ZNF577: variants seen among roughly 807,000 people sequenced by gnomAD.
The protein encoded by ZNF577 is zinc finger protein 577.
ZNF577 carries 14 observed loss-of-function variants against 13.9 expected under a neutral mutation model. That is an observed-to-expected ratio of 1.00 (90% CI 0.66 to 1.57). The LOEUF (loss-of-function observed/expected upper bound fraction) is 1.57. Among genes scored for constraint, ZNF577 ranks in the 40% most tolerant of loss-of-function variants. The pLI is 0.00. For synonymous variants in ZNF577, 203 were observed against 202.9 expected, an observed-to-expected ratio of 1.00 and a Z score of 0.00; for missense variants, 555 against 579.2, an observed-to-expected ratio of 0.96 and a Z score of 0.43.
chr19:51,883,514 T>C (rs978225183), intron 1 of ZNF577, among the ~76,000 whole-genome samples: 2 of 152,098 alleles, frequency 1.3e-5, no homozygotes, highest in Non-Finnish European at 2.9e-5. Context: ...AGAGGTTTGA[T>C]TAGTCCCATG....
intron 5 of ZNF577, among the ~76,000 whole-genome samples, chr19:51,876,412 T>C (rs1200540866): frequency 1.3e-5 from 2 of 151,138 alleles, no homozygotes; most frequent in African/African-American, 4.9e-5. Flanking sequence ...GCTCAGGCCC[T>C]GAGAGTGAAT....
chr19:51,816,874 G>T (rs1339814037), intron 9 of ZNF577, among the ~76,000 whole-genome samples: 3 of 152,222 alleles, frequency 2.0e-5, no homozygotes, highest in African/African-American at 7.2e-5. Context: ...CCACACATAT[G>T]CTGTTAGAAG....
intron 9 of ZNF577, among the ~76,000 whole-genome samples, chr19:51,833,750 C>T (rs2084273197): frequency 6.6e-6 from 1 of 152,126 alleles, no homozygotes; most frequent in African/African-American, 2.4e-5. Flanking sequence ...TTTGTCATGC[C>T]TACTGCTTGT....
At position 51,838,736 on chromosome 19, in the gene ZNF577, T is replaced by A. The variant is rs1375053699; in HGVS notation, c.*599+1157A>T. ...AAATATCCATACTATGCAGTTCAAT[T>A]TAATAACATAGTACAAAAGATAAGT... On this transcript the variant is annotated intron_variant and NMD_transcript_variant, in intron 9 of 10. Coordinates refer to the ZNF577 transcript ENST00000638827. Among the ~76,000 whole-genome samples the A allele has an allele frequency of 5.3e-5, 8 of 151,624 alleles. 1 individual carries two copies. The highest frequency in any genetic ancestry group is 5.2e-4 in the Admixed American group (8 of 15,242).
chr19:51,842,177 A>G (rs1334064963), intron 8 of ZNF577, among the ~76,000 whole-genome samples: 1 of 152,234 alleles, frequency 6.6e-6, no homozygotes. Flanking sequence ...GCAAAAAGGC[A>G]AGGGCCAAAT....
Position 51,868,553 on chromosome 19 carries a change from G to A in ZNF577, c.*3979C>T, listed in dbSNP as rs2084602475. Among the ~76,000 whole-genome samples, 1 of 152,058 alleles carries A rather than the reference G, an allele frequency of 6.6e-6. No individual in the cohort carries two copies. The highest frequency in any genetic ancestry group is 1.5e-5 in the Non-Finnish European group (1 of 67,998). ...GTCTGACCCACCAAAGACTGCCCCA[G>A]CCAAAGCAGAACTGCCAGATGAGCT... On this transcript the variant is annotated 3_prime_UTR_variant, in exon 6 of 6. Coordinates refer to ENST00000638348, the MANE Select transcript of ZNF577 (RefSeq NM_001370449.1).
At position 51,854,713 on chromosome 19, in the gene ZNF577, A is replaced by G. The variant is rs185224232; in HGVS notation, c.284-9782T>C. ...GGAAGCTTTGGCCATTATTTCTTCA[A>G]ATATTCTATCTGTTGCTTATCCCCT... On this transcript the variant is annotated intron_variant and NMD_transcript_variant, in intron 5 of 10. Transcript: ENST00000638827. Among the ~76,000 whole-genome samples, 8 of 151,954 alleles carry G rather than the reference A, an allele frequency of 5.3e-5. No individual in the cohort carries two copies. In the East Asian group the frequency reaches 1.5e-3, roughly 29 times the overall value.
intron 5 of ZNF577, chr19:51,861,813 C>G (rs1275781699): frequency 6.6e-6 from 1 of 152,602 alleles, no homozygotes; most frequent in African/African-American, 2.4e-5. Context: ...TATGGTTTCT[C>G]TCCTGTATGA....
At position 51,867,780 on chromosome 19, in the gene ZNF577, A is replaced by G. The variant is rs574816739; in HGVS notation, c.*4752T>C. Among the ~76,000 whole-genome samples, 60 of 152,200 alleles carry G rather than the reference A, an allele frequency of 3.9e-4. No homozygotes were observed. Among genetic ancestry groups the G allele is most frequent in the Non-Finnish European group, 5.3e-4 (36 of 68,002 alleles). ...AGCCTGGGCAAAAGAGCGAAACTCC[A>G]TCTCAAATAAACAAAAAACAAAAAC... On this transcript the variant is annotated 3_prime_UTR_variant, in exon 6 of 6. Coordinates refer to ENST00000638348, the MANE Select transcript of ZNF577 (RefSeq NM_001370449.1).
At chr19:51,820,241 T>C (rs2084178166) in intron 9 of ZNF577, among the ~76,000 whole-genome samples, 1 of 152,172 alleles carries the variant, frequency 6.6e-6, no homozygotes, top group Non-Finnish European at 1.5e-5. Context: ...GAGTTTCCAT[T>C]ATAGATTACA....
downstream of ZNF577, among the ~76,000 whole-genome samples, chr19:51,865,491 A>C (rs1347905538): frequency 6.6e-6 from 1 of 152,170 alleles, no homozygotes; most frequent in Non-Finnish European, 1.5e-5. Flanking sequence ...CATATGATTC[A>C]CTCAGGTCTG....
At chr19:51,840,818 C>T (rs2084316235) in intron 8 of ZNF577, 1 of 152,038 alleles carries the variant, frequency 6.6e-6, no homozygotes, top group Non-Finnish European at 1.5e-5. Flanking sequence ...AGTAAGCCCC[C>T]TAGTTTATCA....
chr19:51,869,123 AC>A lies in ZNF577; in HGVS notation c.*3408del, dbSNP rs1192519608. On this transcript the variant is annotated 3_prime_UTR_variant, in exon 6 of 6. Coordinates refer to ENST00000638348, the MANE Select transcript of ZNF577 (RefSeq NM_001370449.1). ...AGACCTGACCGTCCCCAAGCCCGAT[AC>A]CCATAAAGGGTCTGTGCTGAGGAGG... 1.3e-5 allele frequency among the ~76,000 whole-genome samples: 2 copies of A among 152,102 alleles called. No homozygotes were observed. The highest frequency in any genetic ancestry group is 2.9e-5 in the Non-Finnish European group (2 of 68,020).
chr19:51,845,467 C>T (rs762971449), intron 5 of ZNF577, among the ~76,000 whole-genome samples: 1 of 151,052 alleles, frequency 6.6e-6, no homozygotes, highest in Admixed American at 6.6e-5. Flanking sequence ...CCAACCTGGG[C>T]AACAAGAGCA....
At chr19:51,847,744 G>A (rs530752209) in intron 5 of ZNF577, among the ~76,000 whole-genome samples, 14 of 152,240 alleles carry the variant, frequency 9.2e-5, no homozygotes, top group South Asian at 2.1e-4. Context: ...CCCAAGTCAC[G>A]GAATTCCCAC....
rs58821740 is a variant in ZNF577 at position 51,882,479 on chromosome 19, TAA to T, written c.-218-1604_-218-1603del. 5.5e-4 allele frequency among the ~76,000 whole-genome samples: 70 copies of T among 128,276 alleles called. 1 individual carries two copies. Among genetic ancestry groups the T allele is most frequent in the African/African-American group, 1.2e-3 (42 of 35,970 alleles). 84.2% of individuals were successfully genotyped at this position (128,276 alleles called of 152,430 possible). On this transcript the variant is annotated intron_variant, in intron 1 of 5. Coordinates refer to ENST00000638348, the MANE Select transcript of ZNF577 (RefSeq NM_001370449.1). ...CAGATTGGCAGCCAACAGTATCCAA[TAA>T]AAAAAAAAAAAAAACTAGGGTCTGC...
In ZNF577 at chr19:51,867,614, A is replaced by G. The variant is rs1181050267; in HGVS notation, c.*4918T>C. 6.8e-6 allele frequency among the ~76,000 whole-genome samples: 1 copy of G among 146,224 alleles called. No individual in the cohort carries two copies. The highest frequency in any genetic ancestry group is 2.5e-5 in the African/African-American group (1 of 39,882). ...ATGATGAAACCCCGTCTCTACTAAA[A>G]ATACAAAAAAAAAAAAAAAAATTAG... On this transcript the variant is annotated 3_prime_UTR_variant, in exon 6 of 6. Transcript: ENST00000638348.
At chr19:51,876,941 A>AAAGGCAAC in intron 5 of ZNF577, among the ~76,000 whole-genome samples, 2 of 152,132 alleles carry the variant, frequency 1.3e-5, no homozygotes, top group Admixed American at 1.3e-4. Context: ...AAAAAAAAAA[A>AAAGGCAAC]AAGGCAACAT....
chr19:51,849,217 C>T (rs932268874), intron 5 of ZNF577, among the ~76,000 whole-genome samples: 1 of 152,178 alleles, frequency 6.6e-6, no homozygotes, highest in Admixed American at 6.5e-5. Context: ...ATAGGTTGCG[C>T]ATACAAAACA....
Sources: allele counts gnomAD v4.1 joint callset (sites outside exome capture counted in the v4.1 genomes callset), GRCh38; gene constraint gnomAD v4.1.1; transcripts MANE v1.5; gene names NCBI Gene and HGNC (gene_info 2026-07-23, HGNC 2026-07-21).